The following ROR1 variants were observed in gnomAD, a reference collection of about 807,000 sequenced individuals.
ROR1 encodes the protein ROR family WNT receptor 1.
In ROR1, 19 loss-of-function variants were observed where a neutral mutation model predicts 78.8. The ratio of observed to expected loss-of-function variants is 0.24; its 90% CI spans 0.17 to 0.35. The LOEUF is 0.35. ROR1 is among the 10% of genes least tolerant of loss of function. The pLI is 1.00. For synonymous variants in ROR1, 386 were observed against 433.6 expected, an observed-to-expected ratio of 0.89 and a Z score of 1.36; for missense variants, 917 against 1,177.8, an observed-to-expected ratio of 0.78 and a Z score of 3.24.
chr1:64,091,851 T>C (rs1647200299), intron 4 of ROR1, among the ~76,000 whole-genome samples: 1 of 152,158 alleles, frequency 6.6e-6, no homozygotes, highest in African/African-American at 2.4e-5. Context: ...TTCACCTCCA[T>C]ATCCCTGCAG....
intron 1 of ROR1, among the ~76,000 whole-genome samples, chr1:63,845,807 C>T (rs1645076825): frequency 6.6e-6 from 1 of 152,128 alleles, no homozygotes; most frequent in South Asian, 2.1e-4. Flanking sequence ...CTTTAAAAAT[C>T]TCTTTTCGGA....
intron 4 of ROR1, among the ~76,000 whole-genome samples, chr1:64,131,299 C>G (rs80120870): frequency 6.6e-6 from 1 of 152,130 alleles, no homozygotes; most frequent in Non-Finnish European, 1.5e-5. Flanking sequence ...TCACTGCTCT[C>G]TGTCCCTATG....
chr1:63,992,409 T>C (rs550018192), intron 1 of ROR1, among the ~76,000 whole-genome samples: 1 of 152,186 alleles, frequency 6.6e-6, no homozygotes, highest in South Asian at 2.1e-4. Context: ...GGTTTCACCA[T>C]GTTGGCCAGG....
At chr1:64,098,034 T>TA (rs1647366359) in intron 4 of ROR1, among the ~76,000 whole-genome samples, 1 of 126,046 alleles carries the variant, frequency 7.9e-6, no homozygotes, top group Non-Finnish European at 2.0e-5. Context: ...CCCCTATATT[T>TA]AACCCTCAGC....
chr1:64,083,393 A>G (rs2100634274), intron 4 of ROR1, among the ~76,000 whole-genome samples: 1 of 152,314 alleles, frequency 6.6e-6, no homozygotes, highest in South Asian at 2.1e-4. Context: ...ATAGGTGCCA[A>G]GTTTACAGGA....
intron 4 of ROR1, among the ~76,000 whole-genome samples, chr1:64,069,195 CTG>C (rs1320294139): frequency 6.6e-6 from 1 of 151,910 alleles, no homozygotes; most frequent in African/African-American, 2.4e-5. Flanking sequence ...ATCAAAATCA[CTG>C]TGTATTTGCT....
At chr1:63,977,762 G>T (rs1646173462) in intron 1 of ROR1, among the ~76,000 whole-genome samples, 1 of 152,152 alleles carries the variant, frequency 6.6e-6, no homozygotes, top group Admixed American at 6.5e-5. Flanking sequence ...GTTACTTCAG[G>T]AAATGCATAG....
chr1:64,133,996 G>T (rs780596359), intron 4 of ROR1, among the ~76,000 whole-genome samples: 1 of 152,150 alleles, frequency 6.6e-6, no homozygotes, highest in Non-Finnish European at 1.5e-5. Context: ...CACCCAGAAT[G>T]CACCAAAGCT....
At chr1:63,783,647 G>A (rs555738752) in intron 1 of ROR1, among the ~76,000 whole-genome samples, 1 of 152,288 alleles carries the variant, frequency 6.6e-6, no homozygotes, top group African/African-American at 2.4e-5. Context: ...GCCAGGATAA[G>A]GGCAGATGGG....
In ROR1 at chr1:64,178,512, T is replaced by C; in HGVS notation, c.2471T>C (p.Ile824Thr). ...TTCATTCCCATCAATGGATACCCAA[T>C]ACCTCCTGGATATGCAGCGTTTCCA... Reference protein sequence around the residue: ...QRFIPINGYPIPPGYAAFPAA... With the variant: ...QRFIPINGYPTPPGYAAFPAA... The change falls in exon 9 of 9, where the codon ATA (isoleucine) becomes ACA (threonine). Residue 824 changes from isoleucine to threonine, a missense_variant. Physicochemically the swap from Ile to Thr is moderately conservative, Grantham distance 89. Transcript: ENST00000371079. This position sits in a 1 kb window ranked among gnomAD's most constrained non-coding sequence, Gnocchi z 4.3. 2 of 1,614,172 alleles carry C rather than the reference T, an allele frequency of 1.2e-6. No individual in the cohort carries two copies. Among genetic ancestry groups the C allele is most frequent in the South Asian group, 2.2e-5 (2 of 91,078 alleles).
intron 1 of ROR1, among the ~76,000 whole-genome samples, chr1:63,891,667 T>C (rs1424562596): frequency 6.6e-6 from 1 of 152,156 alleles, no homozygotes; most frequent in Non-Finnish European, 1.5e-5. Context: ...CGAGTATGCA[T>C]CATCCAATCT....
chr1:63,786,392 C>T (rs1230684505), intron 1 of ROR1, among the ~76,000 whole-genome samples: 1 of 148,400 alleles, frequency 6.7e-6, no homozygotes, highest in Non-Finnish European at 1.5e-5. Flanking sequence ...CCTGCCTCAG[C>T]CTCCTCAGTA....
chr1:64,145,804 G>C (rs557230680), intron 7 of ROR1, among the ~76,000 whole-genome samples: 1 of 152,112 alleles, frequency 6.6e-6, no homozygotes, highest in South Asian at 2.1e-4. Context: ...CACGCACCAG[G>C]CACAGTGCTA....
rs74081035 is a variant in ROR1, at chr1:64,049,551, G to A, written c.164-140G>A. 1.5e-4 allele frequency: 109 copies of A among 748,622 alleles called. No individual in the cohort carries two copies. The African/African-American group carries it at 1.6e-3, about 11-fold the overall frequency. 46.4% of individuals were successfully genotyped at this position (748,622 alleles called of 1,614,324 possible). A position where few individuals can be genotyped will look rare whatever the true frequency, so the allele number is the denominator to read the frequency against. On this transcript the variant is annotated intron_variant, in intron 2 of 8. Transcript: ENST00000371079. ...TCCTCTGGTCTTAATCAATGTGATTGTTTCTTTCCTTGTCTGTCTCACCTG... is the reference window on the plus strand; with the variant it reads ...TCCTCTGGTCTTAATCAATGTGATTATTTCTTTCCTTGTCTGTCTCACCTG...
At chr1:63,794,553 TGAG>T (rs926856389) in intron 1 of ROR1, among the ~76,000 whole-genome samples, 5 of 152,188 alleles carry the variant, frequency 3.3e-5, no homozygotes, top group Non-Finnish European at 5.9e-5. Context: ...AGAGACAGAA[TGAG>T]GAGGAGCTCA....
intron 1 of ROR1, among the ~76,000 whole-genome samples, chr1:63,855,070 T>C (rs1446120023): frequency 6.6e-6 from 1 of 152,110 alleles, no homozygotes; most frequent in African/African-American, 2.4e-5. Context: ...CCTGGGGATA[T>C]GGAGGGCTGA....
chr1:64,113,911 C>T (rs967880261), intron 4 of ROR1: 2 of 152,066 alleles, frequency 1.3e-5, no homozygotes, highest in Non-Finnish European at 2.9e-5. Context: ...ATTTAACAAT[C>T]GCCTCCCTGC....
intron 4 of ROR1, among the ~76,000 whole-genome samples, chr1:64,100,391 G>A (rs1647480646): frequency 6.6e-6 from 1 of 152,052 alleles, no homozygotes; most frequent in African/African-American, 2.4e-5. Context: ...AGGAGGCACA[G>A]GTGGGAGGAT....
chr1:63,967,491 G>T (rs7537512), intron 1 of ROR1, among the ~76,000 whole-genome samples: 3,496 of 152,204 alleles, frequency 0.023, 144 homozygotes, highest in African/African-American at 0.08. Context: ...CTCCTGAGTA[G>T]CTGGGACTAC....
Sources: allele counts gnomAD v4.1 joint callset (sites outside exome capture counted in the v4.1 genomes callset), GRCh38; gene constraint gnomAD v4.1.1; non-coding constraint Gnocchi (gnomAD v3.1); transcripts MANE v1.5; gene names NCBI Gene and HGNC (gene_info 2026-07-23, HGNC 2026-07-21).